The following ACBD4 variants were observed in gnomAD, a reference collection of about 807,000 sequenced individuals.
ACBD4 encodes the protein acyl-CoA binding domain containing 4, also known as acyl-CoA-binding domain-containing protein 4.
Under a neutral mutation model 46.0 loss-of-function variants are expected in ACBD4, and 41 were observed. The ratio of observed to expected loss-of-function variants is 0.89; its 90% CI spans 0.69 to 1.16. ACBD4 has a LOEUF of 1.16. ACBD4 is among the 50% of genes most tolerant of loss of function. The probability of loss-of-function intolerance (pLI) is 0.00; values close to 1 mark genes in which losing one functional copy is unlikely to be tolerated. For missense variants in ACBD4, 393 were observed against 399.5 expected (o/e 0.98, Z 0.14); for synonymous variants, 162 against 155.9 (o/e 1.04, Z -0.29).
chr17:45,137,174 G>A (rs1273764444), intron 5 of ACBD4, 35 bp downstream of exon 5: 2 of 1,613,798 alleles, frequency 1.2e-6, no homozygotes, highest in Non-Finnish European at 1.7e-6. Flanking sequence ...CAAAAGTGCT[G>A]AGTGAACCGT....
upstream of ACBD4, chr17:45,132,458 A>T: frequency 8.9e-7 from 1 of 1,123,282 alleles, no homozygotes; most frequent in Non-Finnish European, 1.1e-6. This position sits in a 1 kb window ranked among gnomAD's most constrained non-coding sequence, Gnocchi z 4.6. Context: ...ACGCGGGGAC[A>T]GGGCAGCGGG....
chr17:45,142,900 C>T (rs2055384097), intron 9 of ACBD4: 1 of 153,156 alleles, frequency 6.5e-6, no homozygotes, highest in Non-Finnish European at 1.5e-5. Flanking sequence ...ACAACTTTGG[C>T]CATTCAAGAC....
chr17:45,135,202 G>T (rs1271666913), upstream of ACBD4: 1 of 152,216 alleles, frequency 6.6e-6, no homozygotes, highest in African/African-American at 2.4e-5. Context: ...CTGACCTCAG[G>T]TGATCCGCCC....
At chr17:45,135,176 G>A (rs1413232636), upstream of ACBD4, among the ~76,000 whole-genome samples, 4 of 152,094 alleles carry the variant, frequency 2.6e-5, no homozygotes, top group African/African-American at 7.2e-5. Flanking sequence ...ATGTTGGCCC[G>A]GCTGGTCTCG....
At position 45,139,152 on chromosome 17, in the gene ACBD4, C is replaced by G; in HGVS notation, c.781C>G (p.Pro261Ala). ...GAGCCTGGAGAGCATGCCCCGGCCC[C>G]CTGAGCAGGTAGAGTCCCCCACCCC... is the stretch of plus-strand genomic sequence containing the variant. The part of the protein sequence containing the change: ...VQSLESMPRP[P>A]EQRPQPRPSA... Residue 261 changes from proline (P) to alanine (A), a missense_variant, in exon 9 of 10, where the codon CCT becomes GCT. Around this residue, in one of 3 missense-constraint regions of ACBD4, gnomAD observed 308 missense variants for 301.8 expected, o/e 1.02. Transcript: ENST00000321854. 2.5e-6 allele frequency: 4 copies of G among 1,613,556 alleles called. No homozygotes were observed. The highest frequency in any genetic ancestry group is 3.4e-6 in the Non-Finnish European group (4 of 1,180,010).
rs898799725 is a variant in ACBD4, at chr17:45,143,761, T to C, written c.*190T>C. The C allele has an allele frequency of 2.1e-6, 2 of 937,470 alleles. No individual in the cohort carries two copies. Among genetic ancestry groups the C allele is most frequent in the Non-Finnish European group, 1.6e-6 (1 of 638,368 alleles). The allele number at this position is 937,470 out of a possible 1,614,324, so 58.1% of individuals were successfully genotyped here. A position where few individuals can be genotyped will look rare whatever the true frequency, so the allele number is the denominator to read the frequency against. ...CCTGCAGCTTCACAGGGACGCTTCC[T>C]TCCCTCCCCGCAACCACCCCAGGCT... is the stretch of plus-strand genomic sequence containing the variant. On this transcript the variant is annotated 3_prime_UTR_variant, in exon 10 of 10. Coordinates refer to ENST00000321854, the MANE Select transcript of ACBD4 (RefSeq NM_001135705.3).
chr17:45,137,863 C>G (rs766958779), intron 7 of ACBD4, 33 bp downstream of exon 7: 1 of 1,611,348 alleles, frequency 6.2e-7, no homozygotes, highest in East Asian at 2.2e-5. Context: ...CCTTTTCCCA[C>G]CCCACTGTGC....
At position 45,136,591 on chromosome 17, in the gene ACBD4, GT is replaced by G. The variant is rs1483346413; in HGVS notation, c.182del (p.Phe61SerfsTer19). On this transcript the variant is annotated frameshift_variant, in exon 3 of 10. Transcript: ENST00000321854. LOFTEE classifies it high-confidence loss of function. ...GGCCCTGCCTGGTCCCCCGGCCCGG[GT>G]TCTGGGACCCCATTGGACGATATAA... ...MGPCLVPRPG[F>X]WDPIGRYKWD... 2 of 1,613,844 alleles carry G rather than the reference GT, an allele frequency of 1.2e-6. No homozygotes were observed. The highest frequency in any genetic ancestry group is 1.7e-6 in the Non-Finnish European group (2 of 1,179,976).
chr17:45,141,166 C>T (rs2055246646), intron 9 of ACBD4, among the ~76,000 whole-genome samples: 2 of 152,190 alleles, frequency 1.3e-5, no homozygotes, highest in Non-Finnish European at 2.9e-5. Flanking sequence ...CCGCCTTTTC[C>T]AGCTGCTCTG....
intron 6 of ACBD4, 102 bp from the exon 7 acceptor site, chr17:45,137,658 G>GT: frequency 7.0e-7 from 1 of 1,419,774 alleles, no homozygotes; most frequent in African/African-American, 1.4e-5. Flanking sequence ...CTAGTGCCTC[G>GT]TATCTCTAGT....
chr17:45,134,644 G>A (rs1021997230), upstream of ACBD4, among the ~76,000 whole-genome samples: 1 of 152,026 alleles, frequency 6.6e-6, no homozygotes, highest in Admixed American at 6.5e-5. Context: ...GGGCGTGGTG[G>A]CGAGCGCCTG....
intron 9 of ACBD4, among the ~76,000 whole-genome samples, chr17:45,139,717 T>C (rs2055143261): frequency 6.6e-6 from 1 of 152,132 alleles, no homozygotes; most frequent in Non-Finnish European, 1.5e-5. Context: ...TCTTTTCACC[T>C]CCCTTTTAGA....
At chr17:45,141,066 C>T (rs567417412) in intron 9 of ACBD4, among the ~76,000 whole-genome samples, 3 of 152,332 alleles carry the variant, frequency 2.0e-5, no homozygotes, top group African/African-American at 7.2e-5. Flanking sequence ...TTCTACCTAG[C>T]CCAAACAACA....
chr17:45,132,853 C>G (rs1048116904), upstream of ACBD4, among the ~76,000 whole-genome samples: 8 of 152,288 alleles, frequency 5.3e-5, no homozygotes, highest in East Asian at 1.4e-3. This position sits in a 1 kb window ranked among gnomAD's most constrained non-coding sequence, Gnocchi z 4.6. Flanking sequence ...CCTTCCCTTC[C>G]GCGTCCCCGT....
chr17:45,135,004 C>T (rs2054717896), upstream of ACBD4, among the ~76,000 whole-genome samples: 1 of 145,934 alleles, frequency 6.9e-6, no homozygotes, highest in East Asian at 2.0e-4. Flanking sequence ...GTCTCACTCT[C>T]GCCCAGGCTG....
chr17:45,143,795 A>G lies in ACBD4; in HGVS notation c.*224A>G. On this transcript the variant is annotated 3_prime_UTR_variant, in exon 10 of 10. Coordinates refer to ENST00000321854, the MANE Select transcript of ACBD4 (RefSeq NM_001135705.3). The stretch of plus-strand genomic sequence containing the variant: ...CGCAACCACCCCAGGCTCCCCTGGG[A>G]GGCTGCAGTTGTGGTACACGTCCCC... 1.4e-6 allele frequency: 1 copy of G among 719,592 alleles called. No homozygotes were observed. The highest frequency in any genetic ancestry group is 2.2e-6 in the Non-Finnish European group (1 of 447,420). The allele number at this position is 719,592 out of a possible 1,614,324, so 44.6% of individuals were successfully genotyped here. A position where few individuals can be genotyped will look rare whatever the true frequency, so the allele number is the denominator to read the frequency against.
upstream of ACBD4, chr17:45,133,431 C>T (rs1310363042): frequency 6.6e-6 from 1 of 151,878 alleles, no homozygotes; most frequent in Non-Finnish European, 1.5e-5. Flanking sequence ...CACCTACTTG[C>T]CCTGCTCTAC....
At chr17:45,136,339 C>T (rs2054829052) in intron 2 of ACBD4, 107 bp downstream of exon 2, 2 of 1,499,798 alleles carry the variant, frequency 1.3e-6, no homozygotes, top group Non-Finnish European at 9.2e-7. Context: ...CAAGCCCCTG[C>T]CTGGGCTGTC....
Position 45,136,625 on chromosome 17 carries a change from G to A in ACBD4, c.209+5G>A. ...CCCCATTGGACGATATAAGTGGTGAGCTCCCTGCTGGCTGGGCAGACAAGC... is the reference window on the plus strand; with the variant it reads ...CCCCATTGGACGATATAAGTGGTGAACTCCCTGCTGGCTGGGCAGACAAGC... On this transcript the variant is annotated splice_donor_5th_base_variant and intron_variant, in intron 3 of 9. Coordinates refer to ENST00000321854, the MANE Select transcript of ACBD4 (RefSeq NM_001135705.3). The A allele has an allele frequency of 1.2e-6, 2 of 1,613,880 alleles. No homozygotes were observed. The highest frequency in any genetic ancestry group is 1.7e-6 in the Non-Finnish European group (2 of 1,179,868).
Sources: allele counts gnomAD v4.1 joint callset (sites outside exome capture counted in the v4.1 genomes callset), GRCh38; gene constraint gnomAD v4.1.1; regional missense constraint gnomAD v4.1.1; non-coding constraint Gnocchi (gnomAD v3.1); transcripts MANE v1.5; gene names NCBI Gene and HGNC (gene_info 2026-07-23, HGNC 2026-07-21).